Variants in USH2A observed in about 807,000 individuals in gnomAD.
USH2A encodes the protein usherin, also known as Usher syndrome 2A (autosomal recessive, mild).
In USH2A, 443 loss-of-function variants were observed where a neutral mutation model predicts 538.9. That is an observed-to-expected ratio of 0.82 (90% confidence interval 0.76 to 0.89). USH2A has a LOEUF of 0.89. USH2A is among the 40% of genes least tolerant of loss of function. The probability of loss-of-function intolerance (pLI) is 0.00; values close to 1 mark genes in which losing one functional copy is unlikely to be tolerated. For synonymous variants in USH2A, 2,413 were observed against 2,273.5 expected (o/e 1.06, Z -1.75); for missense variants, 6,633 against 6,324.8 (o/e 1.05, Z -1.65).
Position 215,642,185 on chromosome 1 carries a change from C to T in USH2A, c.14792-1451G>A, listed in dbSNP as rs142022379. On this transcript the variant is annotated intron_variant, in intron 67 of 71. Transcript: ENST00000307340. ...AGAATAATGAGTTTACAAATCCTCC[C>T]CAAGGAAGACTGAAAAAGCTGTAAG... Among the ~76,000 whole-genome samples, 86 of 152,242 alleles carry T rather than the reference C, an allele frequency of 5.6e-4. No individual in the cohort carries two copies. The East Asian group carries it at 0.012, about 21-fold the overall frequency.
chr1:215,783,313 A>T (rs989777451), intron 52 of USH2A, among the ~76,000 whole-genome samples: 3 of 152,220 alleles, frequency 2.0e-5, no homozygotes, highest in Non-Finnish European at 2.9e-5. Context: ...TTAGTATCAT[A>T]GAACTTATAA....
At chr1:215,726,062 AAT>A (rs1659807548) in intron 61 of USH2A, among the ~76,000 whole-genome samples, 1 of 152,216 alleles carries the variant, frequency 6.6e-6, no homozygotes, top group Non-Finnish European at 1.5e-5. Context: ...TCAGAGGTTT[AAT>A]CATTATAATC....
chr1:216,169,609 T>C (rs573434577), intron 21 of USH2A, among the ~76,000 whole-genome samples: 1 of 152,294 alleles, frequency 6.6e-6, no homozygotes, highest in Non-Finnish European at 1.5e-5. Context: ...TGACTTCTGT[T>C]ATTCTAAGAA....
At chr1:215,702,321 A>G (rs185447355) in intron 61 of USH2A, among the ~76,000 whole-genome samples, 17 of 152,158 alleles carry the variant, frequency 1.1e-4, no homozygotes, top group African/African-American at 3.9e-4. Flanking sequence ...CTTGAGGAGT[A>G]TCTTTGTAGT....
intron 9 of USH2A, among the ~76,000 whole-genome samples, chr1:216,297,730 CAAG>C (rs939628180): frequency 5.9e-5 from 9 of 152,044 alleles, no homozygotes; most frequent in African/African-American, 1.4e-4. Flanking sequence ...CAGAGTGGAG[CAAG>C]AAGAAATTTA....
At position 215,625,620 on chromosome 1, in the gene USH2A, C is replaced by G; in HGVS notation, c.*161G>C. ...GAGAAAAATATCATTTCTTAGACCT[C>G]TATTAGGAAGGAACACTTTCAAAAA... On this transcript the variant is annotated 3_prime_UTR_variant, in exon 72 of 72. Transcript: ENST00000307340. 1 of 709,868 alleles carries G rather than the reference C, an allele frequency of 1.4e-6. No homozygotes were observed. The highest frequency in any genetic ancestry group is 2.6e-6 in the Non-Finnish European group (1 of 391,626). The allele number at this position is 709,868 out of a possible 1,614,324, so 44.0% of individuals were successfully genotyped here.
chr1:215,791,147 G>T (rs1661971463), intron 50 of USH2A, among the ~76,000 whole-genome samples: 1 of 152,294 alleles, frequency 6.6e-6, no homozygotes, highest in African/African-American at 2.4e-5. Context: ...TAACATTAAA[G>T]CAGGAATAAA....
At chr1:215,917,286 A>G (rs1665979744) in intron 38 of USH2A, among the ~76,000 whole-genome samples, 1 of 152,040 alleles carries the variant, frequency 6.6e-6, no homozygotes. Flanking sequence ...TAGCATTCCT[A>G]TTATTTTGAA....
At chr1:215,942,006 C>T (rs1033962825) in intron 37 of USH2A, among the ~76,000 whole-genome samples, 7 of 152,052 alleles carry the variant, frequency 4.6e-5, no homozygotes, top group Non-Finnish European at 8.8e-5. Context: ...GAGTCTGGCA[C>T]AGCTAACTGG....
chr1:215,677,624 C>T (rs544829094), intron 62 of USH2A, among the ~76,000 whole-genome samples: 15 of 152,264 alleles, frequency 9.9e-5, no homozygotes, highest in Non-Finnish European at 1.8e-4. Flanking sequence ...CTCTCAGCAA[C>T]ATTTTGGCAT....
intron 61 of USH2A, among the ~76,000 whole-genome samples, chr1:215,706,108 T>C (rs1659177804): frequency 6.6e-6 from 1 of 152,146 alleles, no homozygotes; most frequent in African/African-American, 2.4e-5. Context: ...TTGTCCATGG[T>C]CATATAATTG....
Position 216,076,179 on chromosome 1 carries a change from T to C in USH2A, c.5572+1910A>G, listed in dbSNP as rs1001981410. On this transcript the variant is annotated intron_variant, in intron 27 of 71. Coordinates refer to ENST00000307340, the MANE Select transcript of USH2A (RefSeq NM_206933.4). ...TATTTTTAATAACCATTCCAGGTGA[T>C]GTCAATGTATCTTGAATAGTAAAAA... is the stretch of plus-strand genomic sequence containing the variant. Among the ~76,000 whole-genome samples the C allele has an allele frequency of 6.6e-5, 10 of 152,172 alleles. No homozygotes were observed. In the East Asian group the frequency reaches 1.9e-3, roughly 29 times the overall value.
At chr1:216,188,707 G>A (rs2102653520) in intron 20 of USH2A, among the ~76,000 whole-genome samples, 1 of 151,966 alleles carries the variant, frequency 6.6e-6, no homozygotes. Context: ...ATCAGACATG[G>A]GTTAGATGAA....
chr1:215,951,370 G>A (rs1157512819), intron 37 of USH2A, among the ~76,000 whole-genome samples: 1 of 152,182 alleles, frequency 6.6e-6, no homozygotes, highest in Non-Finnish European at 1.5e-5. Flanking sequence ...GGTTTTGAGT[G>A]AGTTTCTTAA....
intron 56 of USH2A, among the ~76,000 whole-genome samples, chr1:215,762,479 AC>A (rs1661006895): frequency 6.6e-6 from 1 of 152,186 alleles, no homozygotes; most frequent in Admixed American, 6.6e-5. Flanking sequence ...TATTATTTAT[AC>A]CGGCTGGCAA....
intron 60 of USH2A, among the ~76,000 whole-genome samples, chr1:215,736,389 T>C (rs1660155656): frequency 6.6e-6 from 1 of 152,122 alleles, no homozygotes. Context: ...TGAAACAGAA[T>C]ACAAAGTCCT....
intron 38 of USH2A, among the ~76,000 whole-genome samples, chr1:215,904,636 A>G (rs1285437676): frequency 6.6e-6 from 1 of 152,032 alleles, no homozygotes; most frequent in Non-Finnish European, 1.5e-5. Context: ...TATTGTCTCC[A>G]AGATGCTCTG....
chr1:215,846,474 A>G (rs1037911897), intron 44 of USH2A, among the ~76,000 whole-genome samples: 1 of 152,170 alleles, frequency 6.6e-6, no homozygotes, highest in Non-Finnish European at 1.5e-5. Flanking sequence ...TCAGCCTCCC[A>G]GACTGTTGGG....
At position 216,417,138 on chromosome 1, in the gene USH2A, T is replaced by C. The variant is rs144412018; in HGVS notation, c.651+1376A>G. On this transcript the variant is annotated intron_variant, in intron 3 of 71. Coordinates refer to ENST00000307340, the MANE Select transcript of USH2A (RefSeq NM_206933.4). ...CCTTTGTGTATCATTTCAACCCTAG[T>C]TGTGTATGAAAACTCTGACCCCTGC... Among the ~76,000 whole-genome samples, 444 of 152,116 alleles carry C rather than the reference T, an allele frequency of 2.9e-3. 5 individuals are homozygous for C. The highest frequency in any genetic ancestry group is 0.01 in the African/African-American group (421 of 41,540).
Sources: allele counts gnomAD v4.1 joint callset (sites outside exome capture counted in the v4.1 genomes callset), GRCh38; gene constraint gnomAD v4.1.1; transcripts MANE v1.5; gene names NCBI Gene and HGNC (gene_info 2026-07-23, HGNC 2026-07-21).